ATP2B2: variants seen among roughly 807,000 people sequenced by gnomAD.
ATP2B2 encodes plasma membrane calcium-transporting ATPase 2.
Under a neutral mutation model 120.0 loss-of-function variants are expected in ATP2B2, and 15 were observed. That is an observed-to-expected ratio of 0.12 (90% CI 0.08 to 0.19). The LOEUF is 0.19. Among genes scored for constraint, ATP2B2 ranks in the 10% least tolerant of loss-of-function variants. ATP2B2 has a pLI of 1.00. For synonymous variants in ATP2B2, 694 were observed against 700.3 expected, an observed-to-expected ratio of 0.99 and a Z score of 0.14; for missense variants, 1,045 against 1,719.8, an observed-to-expected ratio of 0.61 and a Z score of 6.94.
intron 3 of ATP2B2, among the ~76,000 whole-genome samples, chr3:10,512,491 C>CACACAGACACACACACACACACAG (rs2066790370): frequency 6.6e-6 from 1 of 151,884 alleles, no homozygotes; most frequent in African/African-American, 2.4e-5. Flanking sequence ...CACACACACA[C>CACACAGACACACACACACACACAG]ACACACACAC....
At chr3:10,374,590 C>T (rs929793747) in intron 11 of ATP2B2, among the ~76,000 whole-genome samples, 14 of 152,196 alleles carry the variant, frequency 9.2e-5, no homozygotes, top group African/African-American at 2.2e-4. Flanking sequence ...AGAAGCCCTA[C>T]GCCCGGCCCT....
chr3:10,596,163 C>T (rs1439620797), intron 2 of ATP2B2, among the ~76,000 whole-genome samples: 1 of 152,194 alleles, frequency 6.6e-6, no homozygotes, highest in Non-Finnish European at 1.5e-5. Context: ...AGCACAGACG[C>T]CTGCCAGCAC....
At chr3:10,443,680 C>T (rs1181357050) in intron 2 of ATP2B2, among the ~76,000 whole-genome samples, 1 of 152,146 alleles carries the variant, frequency 6.6e-6, no homozygotes. Context: ...CCAGCCGTGC[C>T]GGAGGCCAGA....
intron 3 of ATP2B2, among the ~76,000 whole-genome samples, chr3:10,525,646 C>G (rs1157162043): frequency 6.6e-6 from 1 of 152,080 alleles, no homozygotes; most frequent in Non-Finnish European, 1.5e-5. Context: ...TTCCTCTCGG[C>G]TGGGACAGTT....
chr3:10,474,217 G>A (rs1226201761), intron 1 of ATP2B2, among the ~76,000 whole-genome samples: 5 of 152,080 alleles, frequency 3.3e-5, no homozygotes, highest in African/African-American at 2.4e-5. Context: ...GCAGTGGGTC[G>A]GGGAAGGGAG....
chr3:10,665,239 C>T (rs983918692), intron 1 of ATP2B2, among the ~76,000 whole-genome samples: 1 of 152,014 alleles, frequency 6.6e-6, no homozygotes, highest in Non-Finnish European at 1.5e-5. Context: ...TGCACCATGC[C>T]CTTCTTGCTT....
intron 2 of ATP2B2, among the ~76,000 whole-genome samples, chr3:10,594,288 T>C (rs1467572449): frequency 5.3e-5 from 8 of 152,134 alleles, no homozygotes; most frequent in Non-Finnish European, 1.0e-4. Context: ...TGTGGCACTA[T>C]TCACAATAGC....
chr3:10,371,677 T>A, intron 12 of ATP2B2, 132 bp downstream of exon 12: 1 of 1,371,166 alleles, frequency 7.3e-7, no homozygotes, highest in Non-Finnish European at 1.0e-6. Context: ...AACATGTTGC[T>A]TACTATCTGA....
In ATP2B2 at chr3:10,398,512, G is replaced by A. The variant is rs114886990; in HGVS notation, c.781+2441C>T. ...TGGGAATCCTGCCAAAACCAATGCT[G>A]ACCCCAGCAGCCCAGGCTTCACGGG... On this transcript the variant is annotated intron_variant, in intron 5 of 22. Coordinates refer to ENST00000360273, the MANE Select transcript of ATP2B2 (RefSeq NM_001001331.4). Among the ~76,000 whole-genome samples, 1,205 of 152,310 alleles carry A rather than the reference G, an allele frequency of 7.9e-3. 14 individuals are homozygous for A. Among genetic ancestry groups the A allele is most frequent in the Admixed American group, 0.011 (163 of 15,304 alleles).
chr3:10,509,442 C>T (rs2066715792), upstream of ATP2B2, among the ~76,000 whole-genome samples: 1 of 152,152 alleles, frequency 6.6e-6, no homozygotes, highest in Admixed American at 6.5e-5. Flanking sequence ...ACATTCCTGT[C>T]TCCTCTGACC....
At chr3:10,600,202 T>TGAA (rs2068870074) in intron 2 of ATP2B2, among the ~76,000 whole-genome samples, 1 of 152,196 alleles carries the variant, frequency 6.6e-6, no homozygotes, top group Admixed American at 6.5e-5. Context: ...GAAAATATCT[T>TGAA]TCTCTTGGCC....
intron 2 of ATP2B2, among the ~76,000 whole-genome samples, chr3:10,564,405 G>T (rs867124088): frequency 2.0e-5 from 3 of 152,020 alleles, no homozygotes; most frequent in African/African-American, 7.3e-5. Context: ...CTGCTCCACC[G>T]GTGGCTATTA....
At chr3:10,686,015 C>A (rs566063584) in intron 1 of ATP2B2, among the ~76,000 whole-genome samples, 2 of 149,508 alleles carry the variant, frequency 1.3e-5, no homozygotes, top group Admixed American at 1.3e-4. Flanking sequence ...GTCTTTCTTC[C>A]TGGTTCCCTG....
At chr3:10,525,760 C>T (rs2125462906) in intron 3 of ATP2B2, among the ~76,000 whole-genome samples, 1 of 152,126 alleles carries the variant, frequency 6.6e-6, no homozygotes, top group Middle Eastern at 3.4e-3. Context: ...CAGTGTAAAC[C>T]CGTGTAAAAA....
intron 8 of ATP2B2, among the ~76,000 whole-genome samples, chr3:10,381,717 G>A (rs2125548854): frequency 6.6e-6 from 1 of 152,310 alleles, no homozygotes; most frequent in South Asian, 2.1e-4. Context: ...TTTCAGGAGA[G>A]CTAGGAATGG....
intron 3 of ATP2B2, among the ~76,000 whole-genome samples, chr3:10,410,228 G>C (rs912090011): frequency 6.6e-6 from 1 of 152,102 alleles, no homozygotes; most frequent in Non-Finnish European, 1.5e-5. Flanking sequence ...GGTGATTTGT[G>C]GGAATTTGGT....
At chr3:10,398,483 T>C (rs764676355) in intron 5 of ATP2B2, among the ~76,000 whole-genome samples, 23 of 152,290 alleles carry the variant, frequency 1.5e-4, no homozygotes, top group South Asian at 6.2e-4. Flanking sequence ...CATTCCAAGA[T>C]GACTGGGAAT....
chr3:10,416,589 G>A (rs1357865380), intron 2 of ATP2B2, among the ~76,000 whole-genome samples: 3 of 152,168 alleles, frequency 2.0e-5, no homozygotes, highest in African/African-American at 7.2e-5. Flanking sequence ...AGAGCCGTCT[G>A]ACAAACTCCA....
At chr3:10,401,224 C>T in intron 4 of ATP2B2, 146 bp from the exon 5 acceptor site, 1 of 1,078,168 alleles carries the variant, frequency 9.3e-7, no homozygotes. Flanking sequence ...CAAGATGGTG[C>T]CCATAGAAGG....
Sources: gnomAD v4.1 joint callset for allele counts (sites outside exome capture counted in the v4.1 genomes callset) on GRCh38, gnomAD v4.1.1 for gene constraint, MANE v1.5 for transcripts, NCBI Gene and HGNC (gene_info 2026-07-23, HGNC 2026-07-21) for gene names.